CSMD1: variants seen among roughly 807,000 people sequenced by gnomAD.
CSMD1 encodes CUB and Sushi multiple domains 1.
A neutral mutation model predicts 417.5 loss-of-function variants in CSMD1; 213 were observed. The ratio of observed to expected loss-of-function variants is 0.51; its 90% CI spans 0.46 to 0.57. CSMD1 has a LOEUF of 0.57. CSMD1 is among the 20% of genes least tolerant of loss of function. The pLI is 0.00. For synonymous variants in CSMD1, 2,862 were observed against 1,736.8 expected (o/e 1.65, Z -16.11); for missense variants, 6,923 against 4,529.7 (o/e 1.53, Z -15.17).
chr8:4,195,815 C>G (rs953340063), intron 3 of CSMD1, among the ~76,000 whole-genome samples: 3 of 152,130 alleles, frequency 2.0e-5, no homozygotes, highest in African/African-American at 7.2e-5. Context: ...GTCCTGCCCT[C>G]AAGCCTGTAG....
intron 5 of CSMD1, among the ~76,000 whole-genome samples, chr8:3,975,999 A>T (rs1175282369): frequency 6.6e-6 from 1 of 152,142 alleles, no homozygotes; most frequent in Non-Finnish European, 1.5e-5. Flanking sequence ...TTAACATTTA[A>T]AATATTATGA....
At chr8:3,435,022 G>C (rs1176900695) in intron 12 of CSMD1, among the ~76,000 whole-genome samples, 1 of 149,220 alleles carries the variant, frequency 6.7e-6, no homozygotes, top group Non-Finnish European at 1.5e-5. Flanking sequence ...GTAGCAGACA[G>C]GACTGGGAGC....
chr8:4,053,763 T>C (rs1434070839), intron 3 of CSMD1, among the ~76,000 whole-genome samples: 1 of 152,118 alleles, frequency 6.6e-6, no homozygotes, highest in East Asian at 1.9e-4. Context: ...TATGATGGCA[T>C]TTGGGGGCTT....
chr8:4,975,165 C>T (rs1810476282), intron 1 of CSMD1, among the ~76,000 whole-genome samples: 3 of 152,238 alleles, frequency 2.0e-5, no homozygotes, highest in Admixed American at 1.3e-4. Context: ...TAAGAGGGAA[C>T]CAAGGTCCTA....
At chr8:3,559,160 C>T (rs1432327444) in intron 10 of CSMD1, among the ~76,000 whole-genome samples, 1 of 152,164 alleles carries the variant, frequency 6.6e-6, no homozygotes, top group East Asian at 1.9e-4. Flanking sequence ...CAGGAACTTC[C>T]ATGAGCTCTC....
chr8:3,374,814 A>G (rs1342690185), intron 18 of CSMD1, among the ~76,000 whole-genome samples: 1 of 152,004 alleles, frequency 6.6e-6, no homozygotes. Context: ...TTAGTTATTT[A>G]TTGTCTTCCC....
chr8:4,319,753 G>T (rs931008646), intron 3 of CSMD1, among the ~76,000 whole-genome samples: 1 of 152,078 alleles, frequency 6.6e-6, no homozygotes, highest in African/African-American at 2.4e-5. Flanking sequence ...GGGGCCAAAG[G>T]CTGCTAGAGT....
chr8:2,962,698 T>C (rs958701318), intron 60 of CSMD1, 59 bp from the exon 61 acceptor site: 49 of 1,522,428 alleles, frequency 3.2e-5, no homozygotes, highest in Admixed American at 5.8e-5. Flanking sequence ...GCTTCACCAA[T>C]TGAGCTTGGT....
chr8:4,150,923 G>C (rs571900461), intron 3 of CSMD1, among the ~76,000 whole-genome samples: 173 of 151,904 alleles, frequency 1.1e-3, no homozygotes, highest in African/African-American at 3.9e-3. Flanking sequence ...CCTCTCCTGT[G>C]CTTTAATTAC....
rs1296964923 is a variant in CSMD1 at position 2,978,595 on chromosome 8, G to A, written c.8566+17C>T. On this transcript the variant is annotated intron_variant, in intron 55 of 69. Coordinates refer to ENST00000635120, the MANE Select transcript of CSMD1 (RefSeq NM_033225.6). The stretch of plus-strand genomic sequence containing the variant: ...GCAGGGGTCTCTGCACAGAAATTGG[G>A]AATAACCCTGACTTACCCAAACACT... 6.4e-7 allele frequency: 1 copy of A among 1,563,826 alleles called. No homozygotes were observed. Among genetic ancestry groups the A allele is most frequent in the Non-Finnish European group, 8.7e-7 (1 of 1,153,928 alleles).
At chr8:3,854,579 C>G (rs188382960) in intron 5 of CSMD1, among the ~76,000 whole-genome samples, 2 of 152,146 alleles carry the variant, frequency 1.3e-5, no homozygotes, top group East Asian at 3.9e-4. Flanking sequence ...TCTCCCTGCA[C>G]TGGAACTCCC....
intron 3 of CSMD1, among the ~76,000 whole-genome samples, chr8:4,356,166 T>G (rs2128904508): frequency 6.6e-6 from 1 of 152,320 alleles, no homozygotes; most frequent in East Asian, 1.9e-4. Context: ...CTTTGCATCC[T>G]TATAGCTTAA....
At position 3,761,530 on chromosome 8, in the gene CSMD1, G is replaced by C. The variant is rs528455184; in HGVS notation, c.819-7488C>G. On this transcript the variant is annotated intron_variant, in intron 5 of 69. Transcript: ENST00000635120. ...TTTTTTTTTTTTTTTTTTTGAGATG[G>C]AGTTTCACCCTTTCACCCAGGCTGG... Among the ~76,000 whole-genome samples, 5 of 125,142 alleles carry C rather than the reference G, an allele frequency of 4.0e-5. No individual in the cohort carries two copies. The East Asian group carries it at 1.3e-3, about 32-fold the overall frequency. 82.1% of individuals were successfully genotyped at this position (125,142 alleles called of 152,430 possible). A position where few individuals can be genotyped will look rare whatever the true frequency, so the allele number is the denominator to read the frequency against.
At chr8:4,712,245 C>A (rs1808353380) in intron 1 of CSMD1, among the ~76,000 whole-genome samples, 1 of 152,198 alleles carries the variant, frequency 6.6e-6, no homozygotes, top group African/African-American at 2.4e-5. Context: ...CAAATAGCAT[C>A]ATTCAAAATT....
In CSMD1 at chr8:3,091,067, T is replaced by C. The variant is rs186230183; in HGVS notation, c.7285+449A>G. ...ATGGTTATTTGTACAAATATATATA[T>C]ACACATATATGTAGTGTGAAACATA... On this transcript the variant is annotated intron_variant, in intron 48 of 69. Coordinates refer to ENST00000635120, the MANE Select transcript of CSMD1 (RefSeq NM_033225.6). Among the ~76,000 whole-genome samples the C allele has an allele frequency of 6.0e-3, 906 of 152,146 alleles. 6 individuals are homozygous for C. Among genetic ancestry groups the C allele is most frequent in the African/African-American group, 0.02 (848 of 41,558 alleles).
chr8:3,337,014 T>A (rs7844033), intron 23 of CSMD1, among the ~76,000 whole-genome samples: 2,018 of 152,076 alleles, frequency 0.013, 44 homozygotes, highest in African/African-American at 0.046. Flanking sequence ...CCTGAGGGTG[T>A]GTCCTGTGAA....
intron 7 of CSMD1, among the ~76,000 whole-genome samples, chr8:3,691,174 G>C (rs2623602): frequency 0.053 from 8,004 of 151,954 alleles, 652 homozygotes; most frequent in African/African-American, 0.18. Flanking sequence ...TGAGACCAGC[G>C]TGACCAACAT....
intron 5 of CSMD1, among the ~76,000 whole-genome samples, chr8:3,973,255 T>C (rs1040421477): frequency 6.6e-6 from 1 of 152,178 alleles, no homozygotes; most frequent in African/African-American, 2.4e-5. Context: ...GAGTGAGAGC[T>C]ATGGCTTGGT....
chr8:4,300,232 A>G lies in CSMD1; in HGVS notation c.415+119721T>C, dbSNP rs566342409. The stretch of plus-strand genomic sequence containing the variant: ...GTAATGTTCAGTTTTGATAATGTAT[A>G]AAGTCGTTTGTAAACACAGAGCTTT... On this transcript the variant is annotated intron_variant, in intron 3 of 69. Transcript: ENST00000635120. Among the ~76,000 whole-genome samples, 10 of 152,384 alleles carry G rather than the reference A, an allele frequency of 6.6e-5. No individual in the cohort carries two copies. The South Asian group carries it at 1.9e-3, about 28-fold the overall frequency.
Sources: gnomAD v4.1 joint callset for allele counts (sites outside exome capture counted in the v4.1 genomes callset) on GRCh38, gnomAD v4.1.1 for gene constraint, MANE v1.5 for transcripts, NCBI Gene and HGNC (gene_info 2026-07-23, HGNC 2026-07-21) for gene names.